CATSPERE: variants seen among roughly 807,000 people sequenced by gnomAD.
CATSPERE encodes the protein catsper channel auxiliary subunit epsilon, also known as cation channel sperm-associated auxiliary subunit epsilon.
Under a neutral mutation model 114.1 loss-of-function variants are expected in CATSPERE, and 93 were observed. That is an observed-to-expected ratio of 0.81 (90% CI 0.69 to 0.97). CATSPERE has a LOEUF of 0.97. CATSPERE is among the 50% of genes least tolerant of loss of function. CATSPERE has a pLI of 0.00. For synonymous variants in CATSPERE, 341 were observed against 384.1 expected (o/e 0.89, Z 1.31); for missense variants, 1,058 against 1,131.6 (o/e 0.93, Z 0.93).
intron 11 of CATSPERE, among the ~76,000 whole-genome samples, chr1:244,577,339 A>G (rs1303458673): frequency 6.6e-6 from 1 of 152,068 alleles, no homozygotes; most frequent in Non-Finnish European, 1.5e-5. Context: ...ACAGATTTGG[A>G]AACAACATGG....
chr1:244,637,875 C>T (rs1053875055), intron 21 of CATSPERE, among the ~76,000 whole-genome samples: 4 of 152,340 alleles, frequency 2.6e-5, no homozygotes, highest in South Asian at 2.1e-4. Context: ...CAGACAGGAA[C>T]GCCCTCTATT....
At chr1:244,505,354 C>G (rs1011700928) in intron 7 of CATSPERE, among the ~76,000 whole-genome samples, 4 of 152,120 alleles carry the variant, frequency 2.6e-5, no homozygotes, top group African/African-American at 9.7e-5. Context: ...GATCGGGGTA[C>G]TAGGTGTGCT....
chr1:244,516,869 C>T (rs1444169429), intron 7 of CATSPERE, among the ~76,000 whole-genome samples: 3 of 152,050 alleles, frequency 2.0e-5, no homozygotes, highest in African/African-American at 7.3e-5. Flanking sequence ...AGCAATCACA[C>T]TTCCAAGAAT....
At chr1:244,578,059 A>G (rs747465782) in intron 11 of CATSPERE, among the ~76,000 whole-genome samples, 2 of 152,244 alleles carry the variant, frequency 1.3e-5, no homozygotes, top group African/African-American at 2.4e-5. Flanking sequence ...GAATTTGATT[A>G]TAGTATACAG....
In CATSPERE at chr1:244,490,307, T is replaced by G. The variant is rs1671817749; in HGVS notation, c.327-140T>G. On this transcript the variant is annotated intron_variant, in intron 5 of 21. Coordinates refer to ENST00000366534, the MANE Select transcript of CATSPERE (RefSeq NM_001130957.2). ...GACATGTGATTTTTTGTTTTTACAT[T>G]TAGCCTTTAATTTTATATACCGTAA... 5.6e-6 allele frequency: 3 copies of G among 540,536 alleles called. No individual in the cohort carries two copies. The African/African-American group carries it at 5.9e-5, about 11-fold the overall frequency. 33.5% of individuals were successfully genotyped at this position (540,536 alleles called of 1,614,324 possible).
At chr1:244,621,318 ATATAT>A (rs1672351664) in intron 20 of CATSPERE, among the ~76,000 whole-genome samples, 1 of 3,972 alleles carries the variant, frequency 2.5e-4, no homozygotes, top group Non-Finnish European at 5.4e-4. Context: ...TATATAAAAT[ATATAT>A]ATATATATAT....
intron 6 of CATSPERE, among the ~76,000 whole-genome samples, chr1:244,497,125 A>G (rs1282215711): frequency 6.6e-6 from 1 of 152,242 alleles, no homozygotes; most frequent in Non-Finnish European, 1.5e-5. Flanking sequence ...TAAATCCAGT[A>G]ACAATTAAAG....
At chr1:244,635,098 G>T (rs993981554) in intron 20 of CATSPERE, among the ~76,000 whole-genome samples, 4 of 152,202 alleles carry the variant, frequency 2.6e-5, no homozygotes, top group Non-Finnish European at 5.9e-5. Context: ...GCCCACCTCG[G>T]CCTCCCAAAG....
intron 7 of CATSPERE, among the ~76,000 whole-genome samples, chr1:244,517,889 T>C (rs1676906614): frequency 6.6e-6 from 1 of 150,696 alleles, no homozygotes; most frequent in Non-Finnish European, 1.5e-5. Context: ...CCCTAATTAC[T>C]CCTTACTGGC....
chr1:244,453,818 A>G (rs751944222), upstream of CATSPERE, among the ~76,000 whole-genome samples: 1 of 151,758 alleles, frequency 6.6e-6, no homozygotes, highest in East Asian at 1.9e-4. Flanking sequence ...CTTTCTCCCA[A>G]CTGGTTCTGT....
chr1:244,606,317 A>G (rs756693220), intron 18 of CATSPERE, among the ~76,000 whole-genome samples: 3 of 151,954 alleles, frequency 2.0e-5, no homozygotes, highest in Non-Finnish European at 4.4e-5. Context: ...GAGTGGTCTT[A>G]CCACTCCCAA....
At chr1:244,508,892 G>A (rs140011744) in intron 7 of CATSPERE, among the ~76,000 whole-genome samples, 251 of 150,316 alleles carry the variant, frequency 1.7e-3, no homozygotes, top group African/African-American at 5.8e-3. Flanking sequence ...TGCCAGCTAC[G>A]TGGGAGGCTA....
intron 6 of CATSPERE, 126 bp downstream of exon 6, chr1:244,490,597 A>G: frequency 1.7e-6 from 1 of 600,958 alleles, no homozygotes; most frequent in Non-Finnish European, 2.9e-6. Flanking sequence ...TGCTTAGAGT[A>G]TACCTTTCTA....
intron 18 of CATSPERE, among the ~76,000 whole-genome samples, chr1:244,606,110 T>C (rs965374885): frequency 6.6e-6 from 1 of 152,174 alleles, no homozygotes; most frequent in African/African-American, 2.4e-5. Context: ...CTTTAGGACA[T>C]TTATCACTTG....
chr1:244,497,905 G>C (rs1458944332), intron 6 of CATSPERE, among the ~76,000 whole-genome samples: 1 of 152,128 alleles, frequency 6.6e-6, no homozygotes, highest in Admixed American at 6.6e-5. Context: ...GAAAGAACAT[G>C]AGGAAAGAAG....
intron 19 of CATSPERE, chr1:244,610,538 T>A (rs747070953): frequency 3.0e-6 from 2 of 658,022 alleles, no homozygotes; most frequent in Non-Finnish European, 5.5e-6. Flanking sequence ...TATTTTAATT[T>A]TCACTGCTGT....
At chr1:244,591,529 G>A in intron 14 of CATSPERE, 152 bp from the exon 15 acceptor site, 1 of 484,242 alleles carries the variant, frequency 2.1e-6, no homozygotes, top group Non-Finnish European at 3.8e-6. Flanking sequence ...AAACAGAAAT[G>A]CTAAGGCTAC....
rs774377049 is a variant in CATSPERE at position 244,556,686 on chromosome 1, TAA to T, written c.1029+3873_1029+3874del. Among the ~76,000 whole-genome samples the T allele has an allele frequency of 5.9e-5, 9 of 152,326 alleles. No homozygotes were observed. The East Asian group carries it at 1.2e-3, about 20-fold the overall frequency. Reference sequence around the variant, plus strand: ...AATTTGAGAGTTTCAGATATTACATTAAGTTTTTAATCCATTTTGAGTTAATT... The same window carrying T: ...AATTTGAGAGTTTCAGATATTACATTGTTTTTAATCCATTTTGAGTTAATT... On this transcript the variant is annotated intron_variant, in intron 9 of 21. Transcript: ENST00000366534.
chr1:244,618,825 T>C (rs1671724382), intron 20 of CATSPERE, among the ~76,000 whole-genome samples: 1 of 151,680 alleles, frequency 6.6e-6, no homozygotes, highest in Non-Finnish European at 1.5e-5. Context: ...ACATGGATAA[T>C]GGAGAAGAGT....
Sources: allele counts gnomAD v4.1 joint callset (sites outside exome capture counted in the v4.1 genomes callset), GRCh38; gene constraint gnomAD v4.1.1; transcripts MANE v1.5; gene names NCBI Gene and HGNC (gene_info 2026-07-23, HGNC 2026-07-21).